Variants in TMTC4 observed in about 807,000 individuals in gnomAD.
The protein encoded by TMTC4 is protein O-mannosyl-transferase TMTC4.
A neutral mutation model predicts 86.0 loss-of-function variants in TMTC4; 65 were observed. The ratio of observed to expected loss-of-function variants is 0.76; its 90% CI spans 0.62 to 0.93. The LOEUF is 0.93. Ranked by LOEUF, TMTC4 falls within the 40% of genes least tolerant of loss-of-function variation. The pLI is 0.00. For synonymous variants in TMTC4, 379 were observed against 382.5 expected (o/e 0.99, Z 0.11); for missense variants, 866 against 948.1 (o/e 0.91, Z 1.14).
intron 15 of TMTC4, among the ~76,000 whole-genome samples, chr13:100,619,150 C>T (rs554366126): frequency 7.3e-5 from 11 of 150,634 alleles, no homozygotes; most frequent in East Asian, 2.0e-4. Context: ...CCGGACGGGG[C>T]GACTGGCCGG....
intron 6 of TMTC4, among the ~76,000 whole-genome samples, chr13:100,647,808 G>A (rs9518123): frequency 0.19 from 28,825 of 152,066 alleles, 3,112 homozygotes; most frequent in Middle Eastern, 0.26. Flanking sequence ...CCTCTTATCT[G>A]GAATTTAAAA....
At chr13:100,636,772 T>G (rs1566600417) in intron 9 of TMTC4, 38 bp from the exon 10 acceptor site, 1 of 1,608,074 alleles carries the variant, frequency 6.2e-7, no homozygotes, top group Non-Finnish European at 8.5e-7. Context: ...TATTTGATAC[T>G]GAACTTAAAA....
At chr13:100,609,277 T>G (rs1877169783) in intron 17 of TMTC4, among the ~76,000 whole-genome samples, 1 of 152,192 alleles carries the variant, frequency 6.6e-6, no homozygotes, top group Non-Finnish European at 1.5e-5. Flanking sequence ...ATTATTTCAC[T>G]TTCAGTTACC....
chr13:100,656,386 C>A lies in TMTC4; in HGVS notation c.635G>T (p.Arg212Ile), dbSNP rs1159185067. Residue 212 changes from arginine to isoleucine, a missense_variant, in exon 6 of 19, where the codon AGA (arginine) becomes ATA (isoleucine). Coordinates refer to ENST00000342624, the MANE Select transcript of TMTC4 (RefSeq NM_032813.5). ...AAGGCAAACAGAATGCTTACTTTCT[C>A]TAAATGCTTTACAGTAGCCAAGGAA... The part of the protein sequence containing the change: ...LSFLGYCKAF[R>I]ESNKEGAHSS... 1.2e-6 allele frequency: 2 copies of A among 1,611,786 alleles called. No homozygotes were observed. The highest frequency in any genetic ancestry group is 1.3e-5 in the African/African-American group (1 of 74,734).
intron 6 of TMTC4, among the ~76,000 whole-genome samples, chr13:100,652,837 A>AC (rs1884624936): frequency 6.6e-6 from 1 of 152,250 alleles, no homozygotes; most frequent in South Asian, 2.1e-4. Context: ...TACTGGAGTT[A>AC]CGGTAAGCCC....
At chr13:100,606,285 A>G (rs188856487) in intron 18 of TMTC4, 73 bp downstream of exon 18, 1 of 1,310,046 alleles carries the variant, frequency 7.6e-7, no homozygotes, top group East Asian at 2.3e-5. Context: ...CCCAACATTA[A>G]TTTTATAGAC....
chr13:100,639,004 T>C (rs1882645541), intron 7 of TMTC4, among the ~76,000 whole-genome samples: 1 of 152,246 alleles, frequency 6.6e-6, no homozygotes, highest in African/African-American at 2.4e-5. Flanking sequence ...CCCTGGATTC[T>C]ATTCTCTCTC....
rs114424035 is a variant in TMTC4, at chr13:100,663,547, G to A, written c.336-367C>T. Among the ~76,000 whole-genome samples, 638 of 152,222 alleles carry A rather than the reference G, an allele frequency of 4.2e-3. 7 individuals carry two copies. The highest frequency in any genetic ancestry group is 0.015 in the African/African-American group (620 of 41,536). Reference sequence around the variant, plus strand: ...CACACTACTCATGGTTACCCCCTAGGGACCTGGATTTAAGACAGTCTTATA... The same window carrying A: ...CACACTACTCATGGTTACCCCCTAGAGACCTGGATTTAAGACAGTCTTATA... On this transcript the variant is annotated intron_variant, in intron 4 of 18. Transcript: ENST00000342624.
At chr13:100,627,736 G>A (rs566602042) in intron 12 of TMTC4, among the ~76,000 whole-genome samples, 16 of 152,264 alleles carry the variant, frequency 1.1e-4, no homozygotes, top group African/African-American at 2.9e-4. Context: ...CGATTTGAGC[G>A]TAGCTTTTGG....
At chr13:100,609,742 T>G (rs1174254759) in intron 17 of TMTC4, among the ~76,000 whole-genome samples, 1 of 152,048 alleles carries the variant, frequency 6.6e-6, no homozygotes, top group Non-Finnish European at 1.5e-5. Context: ...ATTTGATAGT[T>G]GCAAATTAAG....
chr13:100,604,951 C>G lies in TMTC4; in HGVS notation c.*43G>C, dbSNP rs778943601. On this transcript the variant is annotated 3_prime_UTR_variant, in exon 19 of 19. Transcript: ENST00000342624. ...ACCACATACTATTAATGATATGCCT[C>G]ATGCACACACACACTCAAACTCAAA... The G allele has an allele frequency of 5.0e-6, 8 of 1,598,434 alleles. No homozygotes were observed. The South Asian group carries it at 9.1e-5, about 18-fold the overall frequency.
chr13:100,607,301 G>A (rs1876785648), intron 17 of TMTC4, among the ~76,000 whole-genome samples: 1 of 152,160 alleles, frequency 6.6e-6, no homozygotes, highest in Non-Finnish European at 1.5e-5. Context: ...CAGATCACTT[G>A]AAGTCAGGAG....
rs1460254823 is a variant in TMTC4, at chr13:100,637,549, T to C, written c.988A>G (p.Met330Val). 2 of 1,613,384 alleles carry C rather than the reference T, an allele frequency of 1.2e-6. No individual in the cohort carries two copies. The highest frequency in any genetic ancestry group is 1.7e-6 in the Non-Finnish European group (2 of 1,179,656). ...VDNPASFADS[M>V]LVRAVNYNYY... The stretch of plus-strand genomic sequence containing the variant: ...GGCTCAGAACTCACCCTCACCAGCA[T>C]GCTGTCAGCAAAGGAGGCCGGGTTG... Residue 330 changes from methionine to valine, a missense_variant, in exon 9 of 19, where the codon ATG becomes GTG. Transcript: ENST00000342624.
At chr13:100,614,279 C>T in intron 16 of TMTC4, 37 bp downstream of exon 16, 2 of 1,489,812 alleles carry the variant, frequency 1.3e-6, no homozygotes, top group Non-Finnish European at 1.9e-6. Flanking sequence ...TACTGTGGAG[C>T]CATTTCCTGT....
intron 12 of TMTC4, among the ~76,000 whole-genome samples, chr13:100,630,619 C>A (rs556115117): frequency 6.6e-6 from 1 of 152,286 alleles, no homozygotes; most frequent in South Asian, 2.1e-4. Flanking sequence ...GCCGGAGAAT[C>A]CAATCTGTCA....
intron 10 of TMTC4, 123 bp from the exon 11 acceptor site, chr13:100,635,318 A>G: frequency 8.9e-7 from 1 of 1,119,718 alleles, no homozygotes; most frequent in East Asian, 2.6e-5. Context: ...GAGAAAAGAT[A>G]TTGTTGTCAG....
chr13:100,644,045 C>T (rs1394223120), intron 6 of TMTC4, among the ~76,000 whole-genome samples: 1 of 151,772 alleles, frequency 6.6e-6, no homozygotes, highest in African/African-American at 2.4e-5. Context: ...GGATGGAAGG[C>T]CTTCCTGTCC....
chr13:100,612,339 A>C, intron 17 of TMTC4, 59 bp downstream of exon 17: 1 of 1,297,684 alleles, frequency 7.7e-7, no homozygotes, highest in South Asian at 1.3e-5. Flanking sequence ...AGTAACACTT[A>C]CGTCTTCTGT....
intron 6 of TMTC4, among the ~76,000 whole-genome samples, chr13:100,647,927 T>A (rs115335138): frequency 1.3e-3 from 192 of 152,254 alleles, no homozygotes; most frequent in African/African-American, 4.5e-3. Flanking sequence ...TAATTTCACC[T>A]CATAATTTCA....
Sources: allele counts gnomAD v4.1 joint callset (sites outside exome capture counted in the v4.1 genomes callset), GRCh38; gene constraint gnomAD v4.1.1; transcripts MANE v1.5; gene names NCBI Gene and HGNC (gene_info 2026-07-23, HGNC 2026-07-21).